NFIA: variants seen among roughly 807,000 people sequenced by gnomAD.
NFIA encodes nuclear factor I A.
A neutral mutation model predicts 62.8 loss-of-function variants in NFIA; 8 were observed. That is an observed-to-expected ratio of 0.13 (90% CI 0.07 to 0.23). The LOEUF (loss-of-function observed/expected upper bound fraction) is 0.23. Ranked by LOEUF, NFIA falls within the 10% of genes least tolerant of loss-of-function variation. The pLI, the probability that NFIA is intolerant of heterozygous loss-of-function variation, is 1.00. For synonymous variants in NFIA, 235 were observed against 238.1 expected, an observed-to-expected ratio of 0.99 and a Z score of 0.12; for missense variants, 410 against 642.1, an observed-to-expected ratio of 0.64 and a Z score of 3.91.
intron 4 of NFIA, among the ~76,000 whole-genome samples, chr1:61,347,302 T>C (rs1445623568): frequency 2.0e-5 from 3 of 149,594 alleles, no homozygotes; most frequent in Non-Finnish European, 4.4e-5. Flanking sequence ...GCCTCCCGAG[T>C]AGCTGGGACT....
At chr1:61,334,509 TG>T (rs1661477272) in intron 4 of NFIA, among the ~76,000 whole-genome samples, 1 of 142,298 alleles carries the variant, frequency 7.0e-6, no homozygotes, top group Non-Finnish European at 1.5e-5. Flanking sequence ...AACCGTAATA[TG>T]GGGAGTATTT....
At chr1:61,240,401 T>C (rs7540527) in intron 2 of NFIA, among the ~76,000 whole-genome samples, 10,427 of 152,154 alleles carry the variant, frequency 0.069, 410 homozygotes, top group South Asian at 0.15. Flanking sequence ...TTTTTGTCTT[T>C]TAACATCACA....
Position 61,376,059 on chromosome 1 carries a change from G to C in NFIA, c.947-7178G>C, listed in dbSNP as rs565106756. On this transcript the variant is annotated intron_variant, in intron 6 of 10. Coordinates refer to ENST00000403491, the MANE Select transcript of NFIA (RefSeq NM_001134673.4). ...GTGGCATTCAACTCAGTTGATTGCA[G>C]CCTTCTCCTTGAAACACTTCTTAGT... Among the ~76,000 whole-genome samples, 3 of 152,246 alleles carry C rather than the reference G, an allele frequency of 2.0e-5. No homozygotes were observed. In the South Asian group the frequency reaches 6.2e-4, roughly 32 times the overall value.
chr1:61,118,244 G>T (rs1017076979), intron 2 of NFIA, among the ~76,000 whole-genome samples: 2 of 151,796 alleles, frequency 1.3e-5, no homozygotes, highest in African/African-American at 4.8e-5. Flanking sequence ...CTAAAGAAAG[G>T]AAAAGAATTC....
intron 3 of NFIA, among the ~76,000 whole-genome samples, chr1:61,325,744 C>G (rs1458327519): frequency 1.3e-5 from 2 of 151,864 alleles, no homozygotes; most frequent in African/African-American, 4.8e-5. Context: ...CAGTGAAACC[C>G]CATCTCTACT....
intron 6 of NFIA, among the ~76,000 whole-genome samples, chr1:61,378,860 A>T (rs927753208): frequency 7.2e-5 from 11 of 152,196 alleles, no homozygotes; most frequent in Admixed American, 7.2e-4. Context: ...AGGCCCCTGC[A>T]GTTCCTTACC....
chr1:61,289,254 G>A (rs1658709502), intron 3 of NFIA, among the ~76,000 whole-genome samples: 1 of 152,190 alleles, frequency 6.6e-6, no homozygotes, highest in South Asian at 2.1e-4. Context: ...CAGAGGAGCA[G>A]CCCTGTTAGG....
Position 61,393,244 on chromosome 1 carries a change from C to CCTCT in NFIA, c.1075+9923_1075+9926dup, listed in dbSNP as rs766730638. Reference sequence around the variant, plus strand: ...ATGGTTTCTTCTGCCTCGCCCTCTCCCTCTCTCTCTCTCTCTCTCTCTCTC... The same window carrying CCTCT: ...ATGGTTTCTTCTGCCTCGCCCTCTCCCTCTCTCTCTCTCTCTCTCTCTCTCTCTC... On this transcript the variant is annotated intron_variant, in intron 7 of 10. Transcript: ENST00000403491. Among the ~76,000 whole-genome samples, 143 of 29,096 alleles carry CCTCT rather than the reference C, an allele frequency of 4.9e-3. 5 individuals carry two copies. Among genetic ancestry groups the CCTCT allele is most frequent in the Non-Finnish European group, 6.2e-3 (111 of 17,928 alleles). 19.1% of individuals were successfully genotyped at this position (29,096 alleles called of 152,430 possible). A position where few individuals can be genotyped will look rare whatever the true frequency, so the allele number is the denominator to read the frequency against.
intron 2 of NFIA, among the ~76,000 whole-genome samples, chr1:61,135,309 C>T (rs1173173594): frequency 6.6e-6 from 1 of 152,202 alleles, no homozygotes; most frequent in Non-Finnish European, 1.5e-5. Context: ...TTTGCAAGGT[C>T]GTGCTACTGG....
At chr1:61,451,163 A>G (rs1335430571) in intron 10 of NFIA, among the ~76,000 whole-genome samples, 2 of 152,160 alleles carry the variant, frequency 1.3e-5, no homozygotes, top group Non-Finnish European at 2.9e-5. Context: ...TCGGATAGAT[A>G]TTGTTTATGG....
At chr1:61,235,732 G>A (rs1457221223) in intron 2 of NFIA, among the ~76,000 whole-genome samples, 2 of 149,748 alleles carry the variant, frequency 1.3e-5, no homozygotes, top group Non-Finnish European at 3.0e-5. Context: ...AGGATCGCTT[G>A]AACCTGGGAA....
chr1:61,430,655 G>GTT (rs71050126), intron 10 of NFIA, among the ~76,000 whole-genome samples: 3 of 151,964 alleles, frequency 2.0e-5, no homozygotes, highest in South Asian at 2.1e-4. Flanking sequence ...CTTGTAGTCT[G>GTT]TTTTTTTCTC....
chr1:61,166,627 T>A (rs1405267336), intron 2 of NFIA, among the ~76,000 whole-genome samples: 5 of 152,002 alleles, frequency 3.3e-5, no homozygotes, highest in Non-Finnish European at 1.5e-5. Flanking sequence ...TAAATATGGG[T>A]AAATATATGA....
rs533784832 is a variant in NFIA, at chr1:61,247,177, C to A, written c.560-30343C>A. On this transcript the variant is annotated intron_variant, in intron 2 of 10. Coordinates refer to ENST00000403491, the MANE Select transcript of NFIA (RefSeq NM_001134673.4). Reference sequence around the variant, plus strand: ...ATCTTCTCTTAAAAGGAGCTTACAACTCCCAAAGTTACAACTCTATCACAA... The same window carrying A: ...ATCTTCTCTTAAAAGGAGCTTACAAATCCCAAAGTTACAACTCTATCACAA... Among the ~76,000 whole-genome samples the A allele has an allele frequency of 1.1e-4, 16 of 152,322 alleles. No individual in the cohort carries two copies. In the South Asian group the frequency reaches 3.3e-3, roughly 32 times the overall value.
At chr1:61,409,599 A>G (rs979626698) in intron 9 of NFIA, among the ~76,000 whole-genome samples, 2 of 152,230 alleles carry the variant, frequency 1.3e-5, no homozygotes, top group Admixed American at 6.5e-5. Flanking sequence ...AAGACAAAAT[A>G]TCACCTTTAT....
At chr1:61,209,183 G>GT (rs990602783) in intron 2 of NFIA, among the ~76,000 whole-genome samples, 18 of 152,174 alleles carry the variant, frequency 1.2e-4, no homozygotes, top group Non-Finnish European at 2.4e-4. Context: ...ATGGAAATGG[G>GT]TTTTTTCAGA....
chr1:61,339,790 AT>A (rs11302263), intron 4 of NFIA, among the ~76,000 whole-genome samples: 114,750 of 151,850 alleles, frequency 0.76, 43,763 homozygotes, highest in South Asian at 0.87. Context: ...GCCAAGCTTG[AT>A]TTTTTTCCTA....
At chr1:61,107,590 G>A (rs891043399) in intron 2 of NFIA, among the ~76,000 whole-genome samples, 4 of 151,254 alleles carry the variant, frequency 2.6e-5, no homozygotes, top group South Asian at 2.1e-4. Flanking sequence ...GCCAGTGTAC[G>A]TTTGCCAATA....
intron 6 of NFIA, among the ~76,000 whole-genome samples, chr1:61,370,783 T>A (rs1192859210): frequency 6.6e-6 from 1 of 152,172 alleles, no homozygotes; most frequent in East Asian, 1.9e-4. Flanking sequence ...CTTTGATGAT[T>A]TACTGTGGTC....
Sources: allele counts gnomAD v4.1 joint callset (sites outside exome capture counted in the v4.1 genomes callset), GRCh38; gene constraint gnomAD v4.1.1; transcripts MANE v1.5; gene names NCBI Gene and HGNC (gene_info 2026-07-23, HGNC 2026-07-21).